The following DENND5B variants were observed in gnomAD, a reference collection of about 807,000 sequenced individuals.
The protein encoded by DENND5B is DENN domain containing 5B.
In DENND5B, 34 loss-of-function variants were observed where a neutral mutation model predicts 140.6. That is an observed-to-expected ratio of 0.24 (90% CI 0.18 to 0.32). The LOEUF (loss-of-function observed/expected upper bound fraction) is 0.32. DENND5B is among the 10% of genes least tolerant of loss of function. The pLI, the probability that DENND5B is intolerant of heterozygous loss-of-function variation, is 1.00. For missense variants in DENND5B, 1,142 were observed against 1,560.2 expected, an observed-to-expected ratio of 0.73 and a Z score of 4.52; for synonymous variants, 551 against 562.1, an observed-to-expected ratio of 0.98 and a Z score of 0.28.
At chr12:31,407,104 C>T (rs772373510) in intron 14 of DENND5B, among the ~76,000 whole-genome samples, 3 of 150,880 alleles carry the variant, frequency 2.0e-5, no homozygotes, top group Non-Finnish European at 3.0e-5. Flanking sequence ...CTGGCCTCTT[C>T]GATTTAATTA....
At chr12:31,482,947 ACTC>A in intron 2 of DENND5B, among the ~76,000 whole-genome samples, 1 of 152,326 alleles carries the variant, frequency 6.6e-6, no homozygotes, top group South Asian at 2.1e-4. Flanking sequence ...GCCCTGCATG[ACTC>A]AGCCCCCAAC....
chr12:31,489,921 C>T (rs1054514668), intron 2 of DENND5B, among the ~76,000 whole-genome samples: 1 of 152,108 alleles, frequency 6.6e-6, no homozygotes, highest in African/African-American at 2.4e-5. Flanking sequence ...AGAGAAGGAA[C>T]AGCAGAAGCA....
In DENND5B at chr12:31,389,472, T is replaced by C; in HGVS notation, c.3493A>G (p.Thr1165Ala). Residue 1165 changes from threonine (T) to alanine (A), a missense_variant, in exon 20 of 21, where the codon ACT becomes GCT. By Grantham distance (58) the Thr-to-Ala change is moderately conservative. This residue lies in a region of DENND5B where 125 missense variants were observed against 179.0 expected (regional missense o/e 0.70). Transcript: ENST00000389082. Reference protein sequence around the residue: ...IEKVVAYFETTDQILDNEDDV... With the variant: ...IEKVVAYFETADQILDNEDDV... ...TCTTCATTATCTAGAATCTGGTCAG[T>C]TGTTTCAAAATAAGCAACCACTTTC... 1 of 1,594,686 alleles carries C rather than the reference T, an allele frequency of 6.3e-7. No individual in the cohort carries two copies. Among genetic ancestry groups the C allele is most frequent in the Admixed American group, 1.8e-5 (1 of 56,528 alleles).
intron 9 of DENND5B, among the ~76,000 whole-genome samples, chr12:31,425,813 T>C (rs975571459): frequency 2.6e-5 from 4 of 152,212 alleles, no homozygotes; most frequent in African/African-American, 9.6e-5. Flanking sequence ...TTTTGTCAAT[T>C]TGTACTGCTA....
At chr12:31,396,522 C>T (rs1264130176) in intron 17 of DENND5B, 2 of 152,482 alleles carry the variant, frequency 1.3e-5, no homozygotes, top group African/African-American at 4.8e-5. Flanking sequence ...GAATGTGGAA[C>T]ATATGCACAG....
intron 1 of DENND5B, among the ~76,000 whole-genome samples, chr12:31,524,521 C>T (rs1275437163): frequency 1.3e-5 from 2 of 152,090 alleles, no homozygotes; most frequent in Non-Finnish European, 2.9e-5. Flanking sequence ...GGCATGATGG[C>T]ATGTGCCTGT....
At chr12:31,423,770 A>G in intron 10 of DENND5B, 95 bp from the exon 11 acceptor site, 1 of 1,287,858 alleles carries the variant, frequency 7.8e-7, no homozygotes, top group Non-Finnish European at 1.1e-6. Context: ...GCCATTTAGA[A>G]GTCTGGTGAC....
At chr12:31,416,827 C>G (rs1052909019) in intron 11 of DENND5B, among the ~76,000 whole-genome samples, 5 of 151,070 alleles carry the variant, frequency 3.3e-5, no homozygotes, top group African/African-American at 1.2e-4. Context: ...GGAGACCAGC[C>G]TGGACTACAC....
intron 5 of DENND5B, among the ~76,000 whole-genome samples, chr12:31,448,210 T>G (rs1441698390): frequency 1.3e-5 from 2 of 151,688 alleles, no homozygotes; most frequent in Non-Finnish European, 2.9e-5. Context: ...CTCGGCTCAC[T>G]GCAAGCTCCC....
chr12:31,472,465 T>A (rs1945605908), intron 3 of DENND5B, among the ~76,000 whole-genome samples: 1 of 152,134 alleles, frequency 6.6e-6, no homozygotes, highest in Admixed American at 6.5e-5. Flanking sequence ...CTAATTTTTG[T>A]ATTTTCAGTA....
intron 8 of DENND5B, 66 bp downstream of exon 8, chr12:31,433,089 G>T: frequency 7.7e-7 from 1 of 1,300,608 alleles, no homozygotes; most frequent in Non-Finnish European, 1.1e-6. Flanking sequence ...AATGACATCT[G>T]CTGGAAGGAA....
chr12:31,510,785 C>T (rs1219671564), intron 1 of DENND5B, among the ~76,000 whole-genome samples: 2 of 152,186 alleles, frequency 1.3e-5, no homozygotes, highest in Non-Finnish European at 2.9e-5. Flanking sequence ...TAATTAGTCA[C>T]CTTAATTAAA....
chr12:31,567,960 C>T (rs999534881), intron 1 of DENND5B, among the ~76,000 whole-genome samples: 3 of 152,176 alleles, frequency 2.0e-5, no homozygotes, highest in African/African-American at 4.8e-5. Flanking sequence ...CCACCTCGGC[C>T]TTCCAAAGTA....
intron 1 of DENND5B, among the ~76,000 whole-genome samples, chr12:31,570,908 C>G (rs1305396906): frequency 6.6e-6 from 1 of 151,990 alleles, no homozygotes; most frequent in Non-Finnish European, 1.5e-5. Flanking sequence ...TGTTACCTCC[C>G]TTACAGCAAC....
rs771712867 is a variant in DENND5B at position 31,449,731 on chromosome 12, G to GTTTT, written c.1630-1966_1630-1963dup. On this transcript the variant is annotated intron_variant, in intron 5 of 20. Coordinates refer to ENST00000389082, the MANE Select transcript of DENND5B (RefSeq NM_144973.4). ...ATAAACCATGGATATACACAGATTA[G>GTTTT]TTTTTTTTTTTTTTTTTTGAGACAG... Among the ~76,000 whole-genome samples the GTTTT allele has an allele frequency of 6.6e-4, 59 of 89,948 alleles. 1 individual carries two copies. The highest frequency in any genetic ancestry group is 3.2e-3 in the East Asian group (8 of 2,528). The allele number at this position is 89,948 out of a possible 152,430, so 59.0% of individuals were successfully genotyped here.
intron 1 of DENND5B, among the ~76,000 whole-genome samples, chr12:31,515,680 TAATC>T (rs1184529303): frequency 6.6e-6 from 1 of 152,198 alleles, no homozygotes; most frequent in Non-Finnish European, 1.5e-5. Flanking sequence ...TATATACAAT[TAATC>T]AGTAGAAAAA....
At chr12:31,452,799 T>C (rs533890526) in intron 4 of DENND5B, among the ~76,000 whole-genome samples, 13 of 152,266 alleles carry the variant, frequency 8.5e-5, no homozygotes, top group Admixed American at 8.5e-4. Context: ...CCTATGTGAG[T>C]TTTTTATACC....
At chr12:31,526,776 T>C (rs990233245) in intron 1 of DENND5B, among the ~76,000 whole-genome samples, 1 of 152,236 alleles carries the variant, frequency 6.6e-6, no homozygotes, top group African/African-American at 2.4e-5. Flanking sequence ...ACCATGGTTA[T>C]GTGAAACGTT....
At chr12:31,562,125 T>A (rs1391677501) in intron 1 of DENND5B, among the ~76,000 whole-genome samples, 1 of 152,220 alleles carries the variant, frequency 6.6e-6, no homozygotes, top group Non-Finnish European at 1.5e-5. Context: ...TATGCTAAAC[T>A]GTTTCCCTCA....
Sources: gnomAD v4.1 joint callset for allele counts (sites outside exome capture counted in the v4.1 genomes callset) on GRCh38, gnomAD v4.1.1 for gene constraint, gnomAD v4.1.1 regional missense constraint, MANE v1.5 for transcripts, NCBI Gene and HGNC (gene_info 2026-07-23, HGNC 2026-07-21) for gene names.